The following LRMDA variants were observed in gnomAD, a reference collection of about 807,000 sequenced individuals.
LRMDA encodes leucine rich melanocyte differentiation associated.
Under a neutral mutation model 29.8 loss-of-function variants are expected in LRMDA, and 18 were observed. That is an observed-to-expected ratio of 0.60 (90% CI 0.42 to 0.90). The LOEUF is 0.90. Ranked by LOEUF, LRMDA falls within the 40% of genes least tolerant of loss-of-function variation. The probability of loss-of-function intolerance (pLI) is 0.00; values close to 1 mark genes in which losing one functional copy is unlikely to be tolerated. For missense variants in LRMDA, 273 were observed against 273.9 expected, an observed-to-expected ratio of 1.00 and a Z score of 0.02; for synonymous variants, 125 against 109.4, an observed-to-expected ratio of 1.14 and a Z score of -0.89.
chr10:75,590,162 G>A (rs1295040180), intron 2 of LRMDA, among the ~76,000 whole-genome samples: 1 of 151,958 alleles, frequency 6.6e-6, no homozygotes, highest in Non-Finnish European at 1.5e-5. Context: ...GGGACGACAG[G>A]CATGTGCTAT....
intron 6 of LRMDA, among the ~76,000 whole-genome samples, chr10:76,491,610 T>C (rs186426397): frequency 1.3e-5 from 2 of 152,164 alleles, no homozygotes; most frequent in Admixed American, 1.3e-4. Flanking sequence ...CCTTTCTTTA[T>C]CCTTGGCCTT....
intron 5 of LRMDA, among the ~76,000 whole-genome samples, chr10:76,232,249 A>G (rs1852071851): frequency 6.6e-6 from 1 of 152,144 alleles, no homozygotes; most frequent in South Asian, 2.1e-4. Flanking sequence ...GTGTTGTGCT[A>G]TTTTTATTTA....
intron 3 of LRMDA, 30 bp downstream of exon 3, chr10:76,036,164 T>TG: frequency 6.6e-7 from 1 of 1,522,380 alleles, no homozygotes; most frequent in Non-Finnish European, 8.9e-7. Context: ...CTGCCCCCAC[T>TG]CCCCACCCAG....
intron 1 of LRMDA, among the ~76,000 whole-genome samples, chr10:75,436,474 T>G (rs888716401): frequency 4.6e-5 from 7 of 151,406 alleles, no homozygotes; most frequent in African/African-American, 1.7e-4. Flanking sequence ...CTGCTGAATT[T>G]TTTTTTTTTT....
chr10:76,512,856 GTAT>G (rs1212694236), intron 6 of LRMDA, among the ~76,000 whole-genome samples: 1 of 151,922 alleles, frequency 6.6e-6, no homozygotes, highest in Admixed American at 6.6e-5. Flanking sequence ...TAGGTTCGTG[GTAT>G]TCCATTTTTT....
intron 2 of LRMDA, among the ~76,000 whole-genome samples, chr10:76,000,576 T>G (rs2132468481): frequency 6.6e-6 from 1 of 152,316 alleles, no homozygotes; most frequent in Admixed American, 6.5e-5. Flanking sequence ...ATTCAGGGGC[T>G]GTGGTGAATG....
At chr10:76,350,018 C>T (rs531714855) in intron 6 of LRMDA, among the ~76,000 whole-genome samples, 8 of 151,720 alleles carry the variant, frequency 5.3e-5, no homozygotes, top group East Asian at 1.9e-4. Context: ...AAAAAGAAAC[C>T]GACTGAATGA....
At chr10:75,725,935 T>C (rs1842626563) in intron 2 of LRMDA, among the ~76,000 whole-genome samples, 1 of 152,166 alleles carries the variant, frequency 6.6e-6, no homozygotes, top group Admixed American at 6.5e-5. Flanking sequence ...AGAATGTGTG[T>C]GTATGCATCT....
intron 2 of LRMDA, among the ~76,000 whole-genome samples, chr10:75,867,217 C>A (rs1350285793): frequency 6.6e-6 from 1 of 152,100 alleles, no homozygotes; most frequent in Non-Finnish European, 1.5e-5. Flanking sequence ...GACTGGAGTG[C>A]AGTGGTGCAA....
At chr10:76,104,065 C>T (rs575417725) in intron 5 of LRMDA, among the ~76,000 whole-genome samples, 3 of 151,438 alleles carry the variant, frequency 2.0e-5, no homozygotes, top group Admixed American at 6.6e-5. Flanking sequence ...AAAAAAAATT[C>T]CACACCATTC....
At chr10:76,353,175 A>T (rs1332795252) in intron 6 of LRMDA, among the ~76,000 whole-genome samples, 1 of 152,092 alleles carries the variant, frequency 6.6e-6, no homozygotes, top group East Asian at 1.9e-4. Flanking sequence ...AGAGGGTCTG[A>T]AAGAGATTAG....
chr10:76,131,663 G>T (rs11816026), intron 5 of LRMDA, among the ~76,000 whole-genome samples: 20 of 146,454 alleles, frequency 1.4e-4, no homozygotes, highest in Non-Finnish European at 2.4e-4. Context: ...TATTTTGATG[G>T]TTTTTTTTTT....
chr10:76,441,124 T>G (rs1842297977), intron 6 of LRMDA, among the ~76,000 whole-genome samples: 1 of 152,148 alleles, frequency 6.6e-6, no homozygotes. Context: ...ACACACCAGA[T>G]GGTGCATGAG....
At chr10:75,830,801 A>G (rs1217560537) in intron 2 of LRMDA, among the ~76,000 whole-genome samples, 2 of 152,212 alleles carry the variant, frequency 1.3e-5, no homozygotes, top group Admixed American at 1.3e-4. Context: ...ATGCCTTCCC[A>G]ACAGTCCCCC....
At chr10:76,524,165 A>G (rs1375929648) in intron 6 of LRMDA, among the ~76,000 whole-genome samples, 4 of 152,188 alleles carry the variant, frequency 2.6e-5, no homozygotes, top group Non-Finnish European at 4.4e-5. Context: ...AATGACAGGT[A>G]TTTATGTTTA....
At chr10:75,543,600 G>A (rs76189467) in intron 2 of LRMDA, among the ~76,000 whole-genome samples, 1,654 of 152,110 alleles carry the variant, frequency 0.011, 27 homozygotes, top group African/African-American at 0.038. Flanking sequence ...TTTGCTGGCC[G>A]GATTTGACTC....
At chr10:75,455,641 G>A (rs1224083693) in intron 2 of LRMDA, among the ~76,000 whole-genome samples, 2 of 152,186 alleles carry the variant, frequency 1.3e-5, no homozygotes, top group African/African-American at 2.4e-5. Flanking sequence ...AGCAAAGCAG[G>A]TAAAATGACC....
chr10:75,833,686 T>A (rs1371905864), intron 2 of LRMDA, among the ~76,000 whole-genome samples: 1 of 152,208 alleles, frequency 6.6e-6, no homozygotes, highest in African/African-American at 2.4e-5. Context: ...ATGATCTCAA[T>A]AATTTAAATC....
chr10:76,538,553 T>TACAC (rs1377916771), intron 6 of LRMDA, among the ~76,000 whole-genome samples: 1 of 142,002 alleles, frequency 7.0e-6, no homozygotes, highest in South Asian at 2.2e-4. Context: ...TGTATATATA[T>TACAC]ATACACACAC....
Sources: allele counts gnomAD v4.1 joint callset (sites outside exome capture counted in the v4.1 genomes callset), GRCh38; gene constraint gnomAD v4.1.1; transcripts MANE v1.5; gene names NCBI Gene and HGNC (gene_info 2026-07-23, HGNC 2026-07-21).